Variants in DVL1 observed in about 807,000 individuals in gnomAD.
DVL1 encodes segment polarity protein dishevelled homolog DVL-1.
In DVL1, 49 loss-of-function variants were observed where a neutral mutation model predicts 65.0. That is an observed-to-expected ratio of 0.75 (90% CI 0.60 to 0.96). The LOEUF is 0.96. Ranked by LOEUF, DVL1 falls within the 40% of genes least tolerant of loss-of-function variation. DVL1 has a pLI of 0.00. For synonymous variants in DVL1, 608 were observed against 433.9 expected (o/e 1.40, Z -4.99); for missense variants, 1,197 against 1,045.4 (o/e 1.15, Z -2.00).
intron 14 of DVL1, 165 bp downstream of exon 14, chr1:1,337,812 T>C (rs1569679761): frequency 1.4e-6 from 1 of 710,422 alleles, no homozygotes; most frequent in African/African-American, 1.9e-5. Flanking sequence ...AGCAGGAGCA[T>C]GGGATTGGGG....
At chr1:1,348,797 G>C in intron 1 of DVL1, 99 bp downstream of exon 1, 2 of 1,072,336 alleles carry the variant, frequency 1.9e-6, no homozygotes, top group Non-Finnish European at 2.3e-6. Flanking sequence ...GCAGGTCCCC[G>C]GGGGCGCGAA....
chr1:1,336,108 C>A lies in DVL1; in HGVS notation c.*34G>T. 6.4e-7 allele frequency: 1 copy of A among 1,561,404 alleles called. No individual in the cohort carries two copies. Among genetic ancestry groups the A allele is most frequent in the East Asian group, 2.3e-5 (1 of 43,090 alleles). On this transcript the variant is annotated 3_prime_UTR_variant, in exon 15 of 15. Coordinates refer to ENST00000378888, the MANE Select transcript of DVL1 (RefSeq NM_001330311.2). Reference sequence around the variant, plus strand: ...TGCATGCGGCAGGACCGCCAGCTCCCCACCTCAGGCAGGGCTGGGGCATGC... The same window carrying A: ...TGCATGCGGCAGGACCGCCAGCTCCACACCTCAGGCAGGGCTGGGGCATGC...
At chr1:1,337,189 G>A in intron 14 of DVL1, 1 of 678,706 alleles carries the variant, frequency 1.5e-6, no homozygotes, top group African/African-American at 2.0e-5. Flanking sequence ...CGCCGGTCGA[G>A]GGTCAGTAGA....
chr1:1,348,587 G>A (rs997431163), intron 1 of DVL1, among the ~76,000 whole-genome samples: 9 of 152,088 alleles, frequency 5.9e-5, no homozygotes, highest in Non-Finnish European at 8.8e-5. Flanking sequence ...AACGGCAGGC[G>A]CTCCCGGCCA....
intron 8 of DVL1, 87 bp from the exon 9 acceptor site, chr1:1,339,899 CCAGCAGCCCCCGCA>C: frequency 6.4e-7 from 1 of 1,574,452 alleles, no homozygotes; most frequent in Non-Finnish European, 8.6e-7. Context: ...CGCATGTCCC[CCAGCAGCCCCCGCA>C]GACCCACCCG....
At chr1:1,337,838 G>A (rs936240718) in intron 14 of DVL1, 139 bp downstream of exon 14, 1 of 758,032 alleles carries the variant, frequency 1.3e-6, no homozygotes, top group South Asian at 1.5e-5. Flanking sequence ...AGAGAAGCAG[G>A]GCGGAGCAGC....
At chr1:1,345,524 G>A (rs1643902898) in intron 1 of DVL1, among the ~76,000 whole-genome samples, 1 of 152,186 alleles carries the variant, frequency 6.6e-6, no homozygotes, top group Admixed American at 6.5e-5. Context: ...AGCCTCCGCT[G>A]AAACTCACGG....
At chr1:1,342,809 G>T in intron 1 of DVL1, 51 bp from the exon 2 acceptor site, 2 of 1,586,922 alleles carry the variant, frequency 1.3e-6, no homozygotes, top group Non-Finnish European at 1.7e-6. Context: ...CAACCCTGCG[G>T]TTCTAGAGGT....
chr1:1,342,606 C>T, intron 2 of DVL1, 83 bp downstream of exon 2: 1 of 1,585,976 alleles, frequency 6.3e-7, no homozygotes, highest in Non-Finnish European at 8.6e-7. Flanking sequence ...AGGGCCTCCC[C>T]ACACCCACCG....
chr1:1,337,863 G>T (rs752711097), intron 14 of DVL1, 114 bp downstream of exon 14: 215 of 825,076 alleles, frequency 2.6e-4, no homozygotes, highest in Non-Finnish European at 4.1e-4. Context: ...GGGTGGGGTG[G>T]AGCTGGGGGT....
chr1:1,339,640 G>T lies in DVL1; in HGVS notation c.996C>A (p.Ser332Arg), dbSNP rs780957813. The T allele has an allele frequency of 8.7e-6, 14 of 1,610,468 alleles. No homozygotes were observed. The African/African-American group carries it at 1.6e-4, about 18-fold the overall frequency. The change falls in exon 10 of 15, where the codon AGC (serine) becomes AGA (arginine). Residue 332 changes from serine (S) to arginine (R), a missense_variant. Ser to Arg is a moderately radical substitution (Grantham distance 110). Transcript: ENST00000378888. ...REIVSQTGPI[S>R]LTVAKCWDPT... Reference sequence around the variant, plus strand: ...GGTCCCAGCACTTGGCCACAGTGAGGCTGATGGGCCTGCAGGAACGGTGGT... The same window carrying T: ...GGTCCCAGCACTTGGCCACAGTGAGTCTGATGGGCCTGCAGGAACGGTGGT...
Position 1,342,109 on chromosome 1 carries a change from G to T in DVL1, c.410C>A (p.Thr137Lys), listed in dbSNP as rs544689996. 1.3e-6 allele frequency: 2 copies of T among 1,594,850 alleles called. No individual in the cohort carries two copies. Among genetic ancestry groups the T allele is most frequent in the South Asian group, 2.3e-5 (2 of 87,918 alleles). ...SRDGMDNETGTESMVSHRRER... is the reference protein window; with the variant it reads ...SRDGMDNETGKESMVSHRRER... The stretch of plus-strand genomic sequence containing the variant: ...CCGCCGGTGACTGACCATGGACTCC[G>T]TGCCTGTCTCGTTGTCCATCCCGTC... Residue 137 changes from threonine (T) to lysine (K), a missense_variant, in exon 4 of 15, where the codon ACG (threonine) becomes AAG (lysine). Transcript: ENST00000378888.
chr1:1,345,312 G>A (rs1643900254), intron 1 of DVL1, among the ~76,000 whole-genome samples: 1 of 152,222 alleles, frequency 6.6e-6, no homozygotes, highest in Non-Finnish European at 1.5e-5. Flanking sequence ...GCAGACCCAA[G>A]CCTGGCTGGG....
chr1:1,341,522 G>C (rs567440318), intron 5 of DVL1, 145 bp downstream of exon 5: 3 of 1,142,492 alleles, frequency 2.6e-6, no homozygotes, highest in Non-Finnish European at 2.4e-6. Flanking sequence ...CGTGCATCAT[G>C]TACACAGACA....
At chr1:1,340,573 A>G (rs1372018170) in intron 5 of DVL1, 70 bp from the exon 6 acceptor site, 22 of 1,482,856 alleles carry the variant, frequency 1.5e-5, no homozygotes, top group Admixed American at 2.0e-5. Flanking sequence ...CGCTCCCCCA[A>G]TACTGAGTGG....
intron 5 of DVL1, 126 bp downstream of exon 5, chr1:1,341,541 C>T: frequency 8.2e-7 from 1 of 1,213,570 alleles, no homozygotes; most frequent in Non-Finnish European, 1.1e-6. Flanking sequence ...CATTTGCAGG[C>T]ACACACATGC....
chr1:1,336,218 G>A lies in DVL1; in HGVS notation c.2012C>T (p.Pro671Leu), dbSNP rs925302561. ...GGACTGGCGGCTGCCTGTCAATTCC[G>A]GGGGGACGGCAGCCAGCTCCCGGAC... The part of the protein sequence containing the change: ...PPVRELAAVP[P>L]ELTGSRQSFQ... The change falls in exon 15 of 15, where the codon CCG becomes CTG. Residue 671 changes from proline (P) to leucine (L), a missense_variant. By Grantham distance (98) the Pro-to-Leu change is moderately conservative. Coordinates refer to ENST00000378888, the MANE Select transcript of DVL1 (RefSeq NM_001330311.2). The A allele has an allele frequency of 2.0e-5, 31 of 1,558,652 alleles. No homozygotes were observed. Among genetic ancestry groups the A allele is most frequent in the Middle Eastern group, 3.3e-4 (2 of 6,032 alleles).
intron 5 of DVL1, among the ~76,000 whole-genome samples, chr1:1,340,780 GCA>G (rs1015655594): frequency 3.4e-5 from 5 of 146,852 alleles, no homozygotes; most frequent in Non-Finnish European, 6.0e-5. Flanking sequence ...ATGCACACCT[GCA>G]CACACGCACC....
At chr1:1,339,249 C>T (rs1643698223) in intron 11 of DVL1, 38 bp downstream of exon 11, 1 of 1,547,936 alleles carries the variant, frequency 6.5e-7, no homozygotes, top group Non-Finnish European at 8.7e-7. Context: ...CCCTCCAAGC[C>T]TCGGTTTCTG....
Sources: gnomAD v4.1 joint callset for allele counts (sites outside exome capture counted in the v4.1 genomes callset) on GRCh38, gnomAD v4.1.1 for gene constraint, MANE v1.5 for transcripts, NCBI Gene and HGNC (gene_info 2026-07-23, HGNC 2026-07-21) for gene names.